The following SLC27A2 variants were observed in gnomAD, a reference collection of about 807,000 sequenced individuals.
SLC27A2 encodes the protein long-chain fatty acid transport protein 2.
A neutral mutation model predicts 60.0 loss-of-function variants in SLC27A2; 54 were observed. That is an observed-to-expected ratio of 0.90 (90% confidence interval 0.72 to 1.13). The LOEUF (loss-of-function observed/expected upper bound fraction) is 1.13. Among genes scored for constraint, SLC27A2 ranks in the 50% most tolerant of loss-of-function variants. The pLI, the probability that SLC27A2 is intolerant of heterozygous loss-of-function variation, is 0.00. For missense variants in SLC27A2, 739 were observed against 777.6 expected, an observed-to-expected ratio of 0.95 and a Z score of 0.59; for synonymous variants, 297 against 297.6, an observed-to-expected ratio of 1.00 and a Z score of 0.02.
chr15:50,213,516 G>A (rs769887109), intron 4 of SLC27A2, among the ~76,000 whole-genome samples: 11 of 152,056 alleles, frequency 7.2e-5, no homozygotes, highest in Non-Finnish European at 1.5e-4. Context: ...CTATTCAACA[G>A]CGCATAACTT....
chr15:50,228,349 C>G (rs1184532024), intron 7 of SLC27A2, among the ~76,000 whole-genome samples: 1 of 132,632 alleles, frequency 7.5e-6, no homozygotes, highest in Admixed American at 8.6e-5. Context: ...TGCACTCCAG[C>G]CTAAGTGATA....
intron 1 of SLC27A2, among the ~76,000 whole-genome samples, chr15:50,183,520 G>A (rs1292354372): frequency 6.6e-6 from 1 of 152,172 alleles, no homozygotes; most frequent in Non-Finnish European, 1.5e-5. Context: ...CTGGGGATCT[G>A]CTACAGGACC....
At chr15:50,209,762 T>A in intron 4 of SLC27A2, among the ~76,000 whole-genome samples, 1 of 152,138 alleles carries the variant, frequency 6.6e-6, no homozygotes, top group East Asian at 1.9e-4. Flanking sequence ...GTGTAACATA[T>A]TAATTATTAA....
At chr15:50,231,061 G>T (rs1447978013) in intron 8 of SLC27A2, among the ~76,000 whole-genome samples, 1 of 152,068 alleles carries the variant, frequency 6.6e-6, no homozygotes, top group South Asian at 2.1e-4. Context: ...GATTTAGGGG[G>T]TGATGAAAAT....
chr15:50,219,698 G>A (rs777331114), intron 4 of SLC27A2, among the ~76,000 whole-genome samples: 6 of 151,944 alleles, frequency 3.9e-5, no homozygotes, highest in Non-Finnish European at 8.8e-5. Context: ...CCTTTCATAG[G>A]GTTCTTTAGA....
intron 3 of SLC27A2, among the ~76,000 whole-genome samples, chr15:50,204,543 C>T (rs1308598101): frequency 1.3e-5 from 2 of 151,886 alleles, no homozygotes; most frequent in Non-Finnish European, 2.9e-5. Flanking sequence ...ACCATCCTGG[C>T]TAACACAGTG....
Position 50,197,552 on chromosome 15 carries a change from G to A in SLC27A2, c.531G>A (p.Val177=), listed in dbSNP as rs2045033432. 6.2e-7 allele frequency: 1 copy of A among 1,613,922 alleles called. No homozygotes were observed. Among genetic ancestry groups the A allele is most frequent in the African/African-American group, 1.3e-5 (1 of 75,030 alleles). Residue 177 remains valine (V), a synonymous_variant, in exon 2 of 10, where the codon GTG becomes GTA. Transcript: ENST00000267842. ...EILPSLKKDD[V]SIYYVSRTSN... ...TGCCAAGCCTTAAAAAAGATGATGTGTCCATCTATTATGTGAGCAGAACTT... is the reference window on the plus strand; with the variant it reads ...TGCCAAGCCTTAAAAAAGATGATGTATCCATCTATTATGTGAGCAGAACTT...
intron 1 of SLC27A2, among the ~76,000 whole-genome samples, chr15:50,191,741 G>A (rs891842017): frequency 6.6e-6 from 1 of 152,134 alleles, no homozygotes; most frequent in African/African-American, 2.4e-5. Context: ...ATAAAAGGTA[G>A]ATAGATATTT....
At chr15:50,202,179 C>T (rs1420895674) in intron 2 of SLC27A2, among the ~76,000 whole-genome samples, 1 of 152,162 alleles carries the variant, frequency 6.6e-6, no homozygotes, top group East Asian at 1.9e-4. Context: ...CAGCCTCCCA[C>T]CTGTTTTTGT....
chr15:50,217,587 G>A (rs565953464), intron 4 of SLC27A2, among the ~76,000 whole-genome samples: 34 of 152,170 alleles, frequency 2.2e-4, no homozygotes, highest in East Asian at 1.2e-3. Context: ...TCACTGCCTC[G>A]TCAACCAGCA....
chr15:50,186,391 G>A (rs1264454176), intron 1 of SLC27A2, among the ~76,000 whole-genome samples: 1 of 151,922 alleles, frequency 6.6e-6, no homozygotes, highest in Non-Finnish European at 1.5e-5. Context: ...ACTAGGCTTT[G>A]AGAAACAGTC....
intron 1 of SLC27A2, among the ~76,000 whole-genome samples, chr15:50,194,516 G>C (rs910435137): frequency 1.4e-4 from 21 of 152,284 alleles, no homozygotes; most frequent in Admixed American, 4.6e-4. Flanking sequence ...CGAATAAGGA[G>C]AGTGGATTCT....
intron 5 of SLC27A2, among the ~76,000 whole-genome samples, chr15:50,224,268 G>A (rs766176046): frequency 6.6e-6 from 1 of 151,988 alleles, no homozygotes; most frequent in Non-Finnish European, 1.5e-5. Flanking sequence ...GTGAAACCCC[G>A]TCTCTACTAA....
At chr15:50,190,217 T>G (rs1430917363) in intron 1 of SLC27A2, among the ~76,000 whole-genome samples, 1 of 152,226 alleles carries the variant, frequency 6.6e-6, no homozygotes, top group Non-Finnish European at 1.5e-5. Flanking sequence ...TTAGGAACTA[T>G]TTTTAGGTTG....
intron 1 of SLC27A2, among the ~76,000 whole-genome samples, chr15:50,194,519 T>A (rs2044998828): frequency 6.6e-6 from 1 of 151,044 alleles, no homozygotes; most frequent in African/African-American, 2.4e-5. Flanking sequence ...ATAAGGAGAG[T>A]GGATTCTATC....
chr15:50,222,948 C>T lies in SLC27A2; in HGVS notation c.973-17C>T. 1 of 1,588,454 alleles carries T rather than the reference C, an allele frequency of 6.3e-7. No individual in the cohort carries two copies. Among genetic ancestry groups the T allele is most frequent in the Non-Finnish European group, 8.6e-7 (1 of 1,167,038 alleles). ...AGAGATGTTTCAGTTTGGTCTCCTT[C>T]TTCTCCCCCACCACAGAAACCAAAT... On this transcript the variant is annotated splice_polypyrimidine_tract_variant and intron_variant, in intron 4 of 9. Transcript: ENST00000267842.
intron 3 of SLC27A2, among the ~76,000 whole-genome samples, chr15:50,203,013 TA>T (rs5812508): frequency 3.0e-5 from 4 of 133,112 alleles, no homozygotes; most frequent in African/African-American, 1.1e-4. Context: ...ACCTCATCTC[TA>T]AAAAAAATAT....
At chr15:50,207,658 C>A (rs2045123443) in intron 4 of SLC27A2, among the ~76,000 whole-genome samples, 1 of 151,822 alleles carries the variant, frequency 6.6e-6, no homozygotes, top group Non-Finnish European at 1.5e-5. Flanking sequence ...GGCTTGTTGG[C>A]ACGTGCCTGT....
At chr15:50,201,745 C>A (rs1252739195) in intron 2 of SLC27A2, among the ~76,000 whole-genome samples, 1 of 151,890 alleles carries the variant, frequency 6.6e-6, no homozygotes, top group African/African-American at 2.4e-5. Flanking sequence ...TTAGTAGAGA[C>A]GGGGTTTCAC....
Sources: allele counts gnomAD v4.1 joint callset (sites outside exome capture counted in the v4.1 genomes callset), GRCh38; gene constraint gnomAD v4.1.1; transcripts MANE v1.5; gene names NCBI Gene and HGNC (gene_info 2026-07-23, HGNC 2026-07-21).